The following BRWD3 variants were observed in gnomAD, a reference collection of about 807,000 sequenced individuals.
BRWD3 encodes bromodomain and WD repeat-containing protein 3.
A neutral mutation model predicts 149.7 loss-of-function variants in BRWD3; 10 were observed. The ratio of observed to expected loss-of-function variants is 0.07; its 90% CI spans 0.04 to 0.11. The LOEUF is 0.11. BRWD3 is among the 10% of genes least tolerant of loss of function. The pLI, the probability that BRWD3 is intolerant of heterozygous loss-of-function variation, is 1.00. For synonymous variants in BRWD3, 504 were observed against 456.7 expected, an observed-to-expected ratio of 1.10 and a Z score of -1.32; for missense variants, 940 against 1,373.2, an observed-to-expected ratio of 0.68 and a Z score of 4.99.
In BRWD3 at chrX:80,691,262, G is replaced by A; in HGVS notation, c.3482-89C>T. The A allele has an allele frequency of 3.0e-6, 3 of 983,638 alleles. No homozygotes were observed. In the South Asian group the frequency reaches 6.5e-5, roughly 21 times the overall value. The allele number at this position is 983,638 out of a possible 1,213,427, so 81.1% of individuals were successfully genotyped here. ...CATTTATTCATATATAAACAAGAAG[G>A]GAGGGTGATATACTACTTTTCTAAA... On this transcript the variant is annotated intron_variant, in intron 30 of 40. Transcript: ENST00000373275.
At chrX:80,803,965 T>A (rs1042586079) in intron 4 of BRWD3, among the ~76,000 whole-genome samples, 9 of 112,516 alleles carry the variant, frequency 8.0e-5, no homozygotes, top group Non-Finnish European at 1.5e-4. Flanking sequence ...AAAACACTTT[T>A]AAACTTGAAT....
At chrX:80,755,202 C>CA (rs1464568724) in intron 6 of BRWD3, among the ~76,000 whole-genome samples, 4 of 103,280 alleles carry the variant, frequency 3.9e-5, no homozygotes, top group Non-Finnish European at 8.0e-5. Flanking sequence ...AACCGCTTTA[C>CA]AAAAAAAAAG....
chrX:80,687,098 G>GTGTA, intron 34 of BRWD3, 95 bp from the exon 35 acceptor site: 1 of 487,994 alleles, frequency 2.0e-6, no homozygotes. Context: ...ATCTGTATGT[G>GTGTA]TGTATATATA....
rs761498460 is a variant in BRWD3, at chrX:80,670,514, C to T, written c.*6095G>A. Reference sequence around the variant, plus strand: ...CACTGCAGCCTTGACCTCCCAGGCTCGAGTGATCCTCCCACCTGTCTCCCA... The same window carrying T: ...CACTGCAGCCTTGACCTCCCAGGCTTGAGTGATCCTCCCACCTGTCTCCCA... On this transcript the variant is annotated 3_prime_UTR_variant, in exon 41 of 41. Transcript: ENST00000373275. Among the ~76,000 whole-genome samples the T allele has an allele frequency of 1.8e-4, 20 of 109,941 alleles. No homozygotes were observed. The highest frequency in any genetic ancestry group is 6.6e-4 in the African/African-American group (20 of 30,166).
intron 10 of BRWD3, among the ~76,000 whole-genome samples, chrX:80,734,443 T>C (rs929076369): frequency 1.8e-5 from 2 of 111,736 alleles, no homozygotes; most frequent in Non-Finnish European, 3.8e-5. Flanking sequence ...CCGCCTATGA[T>C]CATAAACATT....
rs1178677554 is a variant in BRWD3 at position 80,704,666 on chromosome X, A to G, written c.2721+12T>C. ...AAATAACAAAAACAAAATAACTTATAAAGTTACAAACCTTCTTTCTAGTCT... is the reference window on the plus strand; with the variant it reads ...AAATAACAAAAACAAAATAACTTATGAAGTTACAAACCTTCTTTCTAGTCT... On this transcript the variant is annotated intron_variant, in intron 23 of 40. Coordinates refer to ENST00000373275, the MANE Select transcript of BRWD3 (RefSeq NM_153252.5). 4 of 1,205,090 alleles carry G rather than the reference A, an allele frequency of 3.3e-6. No individual in the cohort carries two copies. The highest frequency in any genetic ancestry group is 4.5e-6 in the Non-Finnish European group (4 of 891,629).
At chrX:80,712,469 G>A (rs1217122816) in intron 20 of BRWD3, among the ~76,000 whole-genome samples, 5 of 110,739 alleles carry the variant, frequency 4.5e-5, no homozygotes, top group Non-Finnish European at 9.5e-5. Flanking sequence ...TGCCCAGGCT[G>A]GAGTGCAGTG....
chrX:80,696,360 T>C lies in BRWD3; in HGVS notation c.3069-370A>G, dbSNP rs190426344. Among the ~76,000 whole-genome samples, 7 of 110,861 alleles carry C rather than the reference T, an allele frequency of 6.3e-5. No individual in the cohort carries two copies. The East Asian group carries it at 2.0e-3, about 31-fold the overall frequency. ...CAGAAATAAAAGCAACCACCATGTT[T>C]CAAACATTCAATTAGGGAATTATAA... On this transcript the variant is annotated intron_variant, in intron 26 of 40. Transcript: ENST00000373275.
rs748780123 is a variant in BRWD3, at chrX:80,675,253, A to C, written c.*1356T>G. 4 of 111,907 alleles carry C rather than the reference A, an allele frequency of 3.6e-5. No homozygotes were observed. The highest frequency in any genetic ancestry group is 6.5e-5 in the African/African-American group (2 of 30,829). 9.2% of individuals were successfully genotyped at this position (111,907 alleles called of 1,213,427 possible). Reference sequence around the variant, plus strand: ...ATTCACAACATGAGTGTGCAGTGCAATAAGGTTCTTTCCTGAAAGACTAGA... The same window carrying C: ...ATTCACAACATGAGTGTGCAGTGCACTAAGGTTCTTTCCTGAAAGACTAGA... On this transcript the variant is annotated 3_prime_UTR_variant, in exon 41 of 41. Transcript: ENST00000373275.
intron 20 of BRWD3, 28 bp downstream of exon 20, chrX:80,716,129 T>G: frequency 9.0e-7 from 1 of 1,109,713 alleles, no homozygotes; most frequent in Non-Finnish European, 1.2e-6. Context: ...AAATAGTGTA[T>G]CCCAAAGTAT....
At chrX:80,681,749 A>C (rs1403604928) in intron 39 of BRWD3, among the ~76,000 whole-genome samples, 1 of 111,870 alleles carries the variant, frequency 8.9e-6, no homozygotes, top group Non-Finnish European at 1.9e-5. Context: ...GAGATATTAT[A>C]GGCATCATTT....
chrX:80,729,392 T>C (rs1393856652), intron 13 of BRWD3, among the ~76,000 whole-genome samples: 1 of 111,496 alleles, frequency 9.0e-6, no homozygotes, highest in African/African-American at 3.2e-5. Context: ...AATGGAAAGA[T>C]AGTTGATTTC....
chrX:80,752,569 A>T (rs906576492), intron 6 of BRWD3, among the ~76,000 whole-genome samples: 5 of 112,104 alleles, frequency 4.5e-5, no homozygotes, highest in Non-Finnish European at 9.4e-5. Context: ...ATGTTTTTTT[A>T]AAATATATAT....
intron 4 of BRWD3, among the ~76,000 whole-genome samples, chrX:80,802,242 A>G (rs1285902269): frequency 1.8e-5 from 2 of 110,242 alleles, no homozygotes; most frequent in Non-Finnish European, 3.8e-5. Context: ...GGAGTTCAAG[A>G]CTAGCCTTGG....
chrX:80,729,022 C>A, intron 13 of BRWD3, 117 bp from the exon 14 acceptor site: 1 of 609,698 alleles, frequency 1.6e-6, no homozygotes. Flanking sequence ...ATTTAAAAAT[C>A]CTAAACTATA....
At chrX:80,730,417 G>GA (rs1006123900) in intron 12 of BRWD3, among the ~76,000 whole-genome samples, 1 of 107,179 alleles carries the variant, frequency 9.3e-6, no homozygotes, top group African/African-American at 3.4e-5. Flanking sequence ...AAGAAAGAAA[G>GA]AAAGAAAGAA....
chrX:80,760,681 T>C (rs1196245471), intron 6 of BRWD3, among the ~76,000 whole-genome samples: 4 of 112,098 alleles, frequency 3.6e-5, no homozygotes, highest in Admixed American at 2.8e-4. Context: ...TCTTCAATAA[T>C]AGATTTGCTT....
rs1479265061 is a variant in BRWD3, at chrX:80,742,139, T to C, written c.813+1893A>G. 2.7e-5 allele frequency among the ~76,000 whole-genome samples: 3 copies of C among 110,809 alleles called. 1 individual carries two copies. The highest frequency in any genetic ancestry group is 5.7e-5 in the Non-Finnish European group (3 of 52,827). ...CAGCTTTCTACATATGGCTAGCCAG[T>C]TTTCCCAGCACCATTTATTAAATAG... is the stretch of plus-strand genomic sequence containing the variant. On this transcript the variant is annotated intron_variant, in intron 8 of 40. Coordinates refer to ENST00000373275, the MANE Select transcript of BRWD3 (RefSeq NM_153252.5).
chrX:80,801,697 G>A (rs1226910988), intron 4 of BRWD3, among the ~76,000 whole-genome samples: 3 of 109,197 alleles, frequency 2.7e-5, no homozygotes, highest in South Asian at 4.0e-4. Context: ...AAAAAATTAC[G>A]TGGGCATGGT....
Sources: gnomAD v4.1 joint callset for allele counts (sites outside exome capture counted in the v4.1 genomes callset) on GRCh38, gnomAD v4.1.1 for gene constraint, MANE v1.5 for transcripts, NCBI Gene and HGNC (gene_info 2026-07-23, HGNC 2026-07-21) for gene names.